The following ZNF695 variants were observed in gnomAD, a reference collection of about 807,000 sequenced individuals.
ZNF695 encodes the protein zinc finger protein SBZF3.
A neutral mutation model predicts 11.2 loss-of-function variants in ZNF695; 11 were observed. That is an observed-to-expected ratio of 0.98 (90% confidence interval 0.62 to 1.62). The LOEUF is 1.62. Ranked by LOEUF, ZNF695 falls within the 40% of genes most tolerant of loss-of-function variation. ZNF695 has a pLI of 0.00. For synonymous variants in ZNF695, 190 were observed against 201.4 expected, an observed-to-expected ratio of 0.94 and a Z score of 0.48; for missense variants, 559 against 590.5, an observed-to-expected ratio of 0.95 and a Z score of 0.55.
chr1:246,958,543 G>T (rs998933425), intron 5 of ZNF695, among the ~76,000 whole-genome samples: 1 of 152,142 alleles, frequency 6.6e-6, no homozygotes, highest in African/African-American at 2.4e-5. Flanking sequence ...GGTCTAGTGA[G>T]GAATTCTGGC....
At chr1:246,951,090 T>A (rs1329150624) in intron 5 of ZNF695, among the ~76,000 whole-genome samples, 1 of 152,126 alleles carries the variant, frequency 6.6e-6, no homozygotes, top group African/African-American at 2.4e-5. Flanking sequence ...GTTTAAGTGT[T>A]GTCATATAGT....
At chr1:246,958,283 C>T (rs1179872707) in intron 5 of ZNF695, among the ~76,000 whole-genome samples, 4 of 152,148 alleles carry the variant, frequency 2.6e-5, no homozygotes, top group Non-Finnish European at 5.9e-5. Flanking sequence ...TGTTCTTGAT[C>T]TCCTGACCTC....
At chr1:247,007,612 A>G (rs1669578482) in intron 1 of ZNF695, among the ~76,000 whole-genome samples, 1 of 151,874 alleles carries the variant, frequency 6.6e-6, no homozygotes, top group Admixed American at 6.6e-5. Flanking sequence ...TCACAGCACA[A>G]TCCAGGGAAG....
chr1:246,969,216 A>T (rs1219507147), intron 4 of ZNF695: 1 of 152,248 alleles, frequency 6.6e-6, no homozygotes, highest in Non-Finnish European at 1.5e-5. Context: ...ACACTGTTAG[A>T]AGGAGCCAGG....
At chr1:246,963,533 CA>C (rs1272666432) in intron 5 of ZNF695, among the ~76,000 whole-genome samples, 2 of 152,128 alleles carry the variant, frequency 1.3e-5, no homozygotes, top group Admixed American at 1.3e-4. Flanking sequence ...AGCGAACAAA[CA>C]AGTAAATTCT....
downstream of ZNF695, among the ~76,000 whole-genome samples, chr1:246,985,077 T>G (rs1292066933): frequency 1.3e-5 from 2 of 152,232 alleles, no homozygotes; most frequent in African/African-American, 4.8e-5. Flanking sequence ...TTTGAAATTA[T>G]GTTTGGTTCC....
At chr1:246,955,878 G>A (rs1351292750) in intron 5 of ZNF695, among the ~76,000 whole-genome samples, 3 of 151,988 alleles carry the variant, frequency 2.0e-5, no homozygotes, top group Non-Finnish European at 2.9e-5. Flanking sequence ...GGTAGACAAC[G>A]GTCTCATCAC....
chr1:247,005,092 A>T (rs888511412), intron 1 of ZNF695, among the ~76,000 whole-genome samples: 1 of 152,134 alleles, frequency 6.6e-6, no homozygotes, highest in African/African-American at 2.4e-5. Flanking sequence ...TAAGCCTAAA[A>T]TTTTTTTGGA....
intron 3 of ZNF695, among the ~76,000 whole-genome samples, chr1:246,998,771 T>C (rs1054287251): frequency 6.6e-6 from 1 of 152,072 alleles, no homozygotes; most frequent in African/African-American, 2.4e-5. Context: ...ATTGAGACCA[T>C]ATGGGCTAAC....
At position 246,965,699 on chromosome 1, in the gene ZNF695, C is replaced by T. The variant is rs922640431; in HGVS notation, c.488+1996G>A. Among the ~76,000 whole-genome samples the T allele has an allele frequency of 1.2e-4, 18 of 151,588 alleles. 1 individual carries two copies. The highest frequency in any genetic ancestry group is 9.2e-4 in the Admixed American group (14 of 15,192). On this transcript the variant is annotated intron_variant, in intron 5 of 5. Coordinates refer to the ZNF695 transcript ENST00000487338. ...GTGCAATGAGCTGAGATCGTTCCACCGTACGACCATACGAGCTGAGATCGT... is the reference window on the plus strand; with the variant it reads ...GTGCAATGAGCTGAGATCGTTCCACTGTACGACCATACGAGCTGAGATCGT...
At chr1:247,001,150 T>C (rs1036947564) in intron 1 of ZNF695, among the ~76,000 whole-genome samples, 2 of 152,152 alleles carry the variant, frequency 1.3e-5, no homozygotes, top group Non-Finnish European at 2.9e-5. Context: ...CAGAAACTCA[T>C]GTCACATACA....
chr1:246,966,167 TG>T (rs1454748033), intron 5 of ZNF695, among the ~76,000 whole-genome samples: 1 of 152,060 alleles, frequency 6.6e-6, no homozygotes, highest in Non-Finnish European at 1.5e-5. Context: ...CCAGATGGCC[TG>T]AGGACAGTGA....
intron 3 of ZNF695, among the ~76,000 whole-genome samples, chr1:246,989,049 G>A (rs57899616): frequency 0.22 from 32,475 of 149,844 alleles, 4,594 homozygotes; most frequent in African/African-American, 0.4. Context: ...AGCCAAGATC[G>A]CGCCACTGCA....
At chr1:246,956,690 T>A (rs1668011307) in intron 5 of ZNF695, among the ~76,000 whole-genome samples, 1 of 152,126 alleles carries the variant, frequency 6.6e-6, no homozygotes, top group Admixed American at 6.6e-5. Flanking sequence ...TTATTAGATA[T>A]CATGAAACTA....
At chr1:246,961,707 AC>A (rs1440341018) in intron 5 of ZNF695, among the ~76,000 whole-genome samples, 1 of 152,146 alleles carries the variant, frequency 6.6e-6, no homozygotes, top group African/African-American at 2.4e-5. Context: ...GATGCTTTAG[AC>A]TATTTTCTTG....
chr1:246,982,810 T>A (rs955243995), downstream of ZNF695, among the ~76,000 whole-genome samples: 1 of 152,062 alleles, frequency 6.6e-6, no homozygotes, highest in African/African-American at 2.4e-5. Context: ...CAAATAAGTT[T>A]GAAAATTTTC....
At chr1:247,001,994 T>C (rs1215256056) in intron 1 of ZNF695, among the ~76,000 whole-genome samples, 1 of 151,806 alleles carries the variant, frequency 6.6e-6, no homozygotes, top group Non-Finnish European at 1.5e-5. Context: ...ACGGACGTAA[T>C]ACACATCTAC....
intron 5 of ZNF695, among the ~76,000 whole-genome samples, chr1:246,950,343 T>C (rs1667841252): frequency 6.6e-6 from 1 of 152,168 alleles, no homozygotes; most frequent in Non-Finnish European, 1.5e-5. Context: ...TGATTATATA[T>C]AATCCTTTAA....
intron 5 of ZNF695, among the ~76,000 whole-genome samples, chr1:246,958,205 C>CCCA (rs376873405): frequency 0.015 from 2,276 of 152,054 alleles, 61 homozygotes; most frequent in African/African-American, 0.052. Flanking sequence ...ACTACAGGTG[C>CCCA]ACACCACCAC....
Sources: allele counts gnomAD v4.1 joint callset (sites outside exome capture counted in the v4.1 genomes callset), GRCh38; gene constraint gnomAD v4.1.1; transcripts MANE v1.5; gene names NCBI Gene and HGNC (gene_info 2026-07-23, HGNC 2026-07-21).